Variants in EMX2 observed in about 807,000 individuals in gnomAD.
EMX2 encodes homeobox protein EMX2.
Under a neutral mutation model 23.0 loss-of-function variants are expected in EMX2, and 6 were observed. That is an observed-to-expected ratio of 0.26 (90% confidence interval 0.14 to 0.52). The LOEUF (loss-of-function observed/expected upper bound fraction) is 0.52, where lower values mean the gene tolerates loss of function less well. Ranked by LOEUF, EMX2 falls within the 20% of genes least tolerant of loss-of-function variation. The pLI is 0.97. For synonymous variants in EMX2, 175 were observed against 153.3 expected, an observed-to-expected ratio of 1.14 and a Z score of -1.04; for missense variants, 302 against 341.4, an observed-to-expected ratio of 0.88 and a Z score of 0.91.
intron 2 of EMX2, among the ~76,000 whole-genome samples, chr10:117,546,615 G>A (rs897791232): frequency 3.9e-5 from 6 of 152,248 alleles, no homozygotes; most frequent in Non-Finnish European, 5.9e-5. Flanking sequence ...ACCGAGGAGG[G>A]CCTGGCGGGT....
Position 117,542,756 on chromosome 10 carries a change from T to A in EMX2, c.-512T>A, listed in dbSNP as rs1369680205. The A allele has an allele frequency of 1.3e-5, 2 of 152,242 alleles. No individual in the cohort carries two copies. The highest frequency in any genetic ancestry group is 2.9e-5 in the Non-Finnish European group (2 of 68,346). The allele number at this position is 152,242 out of a possible 1,614,324, so 9.4% of individuals were successfully genotyped here. On this transcript the variant is annotated 5_prime_UTR_variant, in exon 1 of 3. Coordinates refer to ENST00000553456, the MANE Select transcript of EMX2 (RefSeq NM_004098.4). ...ACTAACAAATCGTTTGCACAACTTGTGAAGAAGCGAACACTTCCATGGATT... is the reference window on the plus strand; with the variant it reads ...ACTAACAAATCGTTTGCACAACTTGAGAAGAAGCGAACACTTCCATGGATT...
chr10:117,548,853 C>A lies in EMX2; in HGVS notation c.*621C>A. The A allele has an allele frequency of 2.5e-6, 1 of 397,072 alleles. No individual in the cohort carries two copies. The highest frequency in any genetic ancestry group is 4.4e-6 in the Non-Finnish European group (1 of 225,510). The allele number at this position is 397,072 out of a possible 1,614,324, so 24.6% of individuals were successfully genotyped here. On this transcript the variant is annotated 3_prime_UTR_variant, in exon 3 of 3. Transcript: ENST00000553456. ...TGAAATGCATGTAGCAGTTGTTGGG[C>A]GAATGGTGTTTAAAGACCGAAAATG...
Position 117,543,642 on chromosome 10 carries a change from C to T in EMX2, c.375C>T (p.His125=), listed in dbSNP as rs148439570. The change falls in exon 1 of 3, where the codon CAC becomes CAT. Residue 125 remains histidine, a synonymous_variant. Transcript: ENST00000553456. The part of the protein sequence containing the change: ...DPSTFYPWLI[H]RYRYLGHRFQ... ...CCACCTTCTACCCCTGGCTCATCCA[C>T]CGCTACCGATATCTGGGTCATCGCT... 37 of 1,613,562 alleles carry T rather than the reference C, an allele frequency of 2.3e-5. No homozygotes were observed. The highest frequency in any genetic ancestry group is 2.7e-5 in the African/African-American group (2 of 74,928).
chr10:117,548,959 T>C lies in EMX2; in HGVS notation c.*727T>C. 1 of 268,242 alleles carries C rather than the reference T, an allele frequency of 3.7e-6. No individual in the cohort carries two copies. Among genetic ancestry groups the C allele is most frequent in the Non-Finnish European group, 6.9e-6 (1 of 144,114 alleles). The allele number at this position is 268,242 out of a possible 1,614,324, so 16.6% of individuals were successfully genotyped here. On this transcript the variant is annotated 3_prime_UTR_variant, in exon 3 of 3. Coordinates refer to ENST00000553456, the MANE Select transcript of EMX2 (RefSeq NM_004098.4). ...TTTTTTTCCCAAGAAATGTGCAGTC[T>C]GTAAACACTTTTTGATACCTTCTGA...
intron 2 of EMX2, 59 bp downstream of exon 2, chr10:117,545,875 G>A: frequency 6.2e-7 from 1 of 1,609,656 alleles, no homozygotes; most frequent in Non-Finnish European, 8.5e-7. Context: ...CCCAAAGCTG[G>A]CTCCCAAGCA....
At position 117,543,225 on chromosome 10, in the gene EMX2, C is replaced by A. The variant is rs775528347; in HGVS notation, c.-43C>A. 1 of 1,365,394 alleles carries A rather than the reference C, an allele frequency of 7.3e-7. No individual in the cohort carries two copies. Among genetic ancestry groups the A allele is most frequent in the Non-Finnish European group, 9.6e-7 (1 of 1,046,126 alleles). The allele number at this position is 1,365,394 out of a possible 1,614,324, so 84.6% of individuals were successfully genotyped here. ...GGCGGCGGAGGCAGCGTGCGGCGGT[C>A]GCCAGGAGCTGGGAGCCCAGGGCGC... On this transcript the variant is annotated 5_prime_UTR_variant, in exon 1 of 3. Transcript: ENST00000553456.
Position 117,548,420 on chromosome 10 carries a change from C to A in EMX2, c.*188C>A. On this transcript the variant is annotated 3_prime_UTR_variant, in exon 3 of 3. Transcript: ENST00000553456. ...ACAGCGAGGGCACAGGGTCCCAAACCGAGGCCGCGCCAAGATGGCAGAGGA... is the reference window on the plus strand; with the variant it reads ...ACAGCGAGGGCACAGGGTCCCAAACAGAGGCCGCGCCAAGATGGCAGAGGA... 1.1e-6 allele frequency: 1 copy of A among 888,792 alleles called. No individual in the cohort carries two copies. The highest frequency in any genetic ancestry group is 1.7e-6 in the Non-Finnish European group (1 of 599,584). 55.1% of individuals were successfully genotyped at this position (888,792 alleles called of 1,614,324 possible).
At position 117,543,445 on chromosome 10, in the gene EMX2, G is replaced by C; in HGVS notation, c.178G>C (p.Gly60Arg). 6.2e-7 allele frequency: 1 copy of C among 1,606,688 alleles called. No individual in the cohort carries two copies. Among genetic ancestry groups the C allele is most frequent in the Non-Finnish European group, 8.5e-7 (1 of 1,177,304 alleles). ...CCACTCGGCCGCCGCCGCCGCCGCC[G>C]GTAGGGGCGTCTACTCCAACCCGGA... is the stretch of plus-strand genomic sequence containing the variant. ...GFHSAAAAAA[G>R]RGVYSNPDLV... Residue 60 changes from glycine to arginine, a missense_variant, in exon 1 of 3, where the codon GGT becomes CGT. By Grantham distance (125) the Gly-to-Arg change is moderately radical (BLOSUM62 -2). Transcript: ENST00000553456.
chr10:117,543,869 T>C (rs1014344006), intron 1 of EMX2, among the ~76,000 whole-genome samples, 196 bp downstream of exon 1: 6 of 152,074 alleles, frequency 3.9e-5, no homozygotes, highest in African/African-American at 1.4e-4. Context: ...CTACGACTGG[T>C]TTGGAGTGAT....
chr10:117,543,130 T>TCCCCCCCCCCCCCCCCCCCCCCCCCCCCC lies in EMX2; in HGVS notation c.-132_-131insCCCCCCCCCCCCCCCCCCCCCCCCCCCCC. ...CCTTTCCTTTCTTTCTTCCTTTCCT[T>TCCCCCCCCCCCCCCCCCCCCCCCCCCCCC]CCCCCCACCCCCACCCCCACCCCAA... is the stretch of plus-strand genomic sequence containing the variant. On this transcript the variant is annotated 5_prime_UTR_variant, in exon 1 of 3. Transcript: ENST00000553456. 2 of 124,942 alleles carry TCCCCCCCCCCCCCCCCCCCCCCCCCCCCC rather than the reference T, an allele frequency of 1.6e-5. 1 individual carries two copies. The highest frequency in any genetic ancestry group is 3.1e-5 in the Non-Finnish European group (2 of 64,090). The allele number at this position is 124,942 out of a possible 1,614,324, so 7.7% of individuals were successfully genotyped here.
At chr10:117,547,393 C>G (rs2133970772) in intron 2 of EMX2, among the ~76,000 whole-genome samples, 1 of 152,304 alleles carries the variant, frequency 6.6e-6, no homozygotes, top group African/African-American at 2.4e-5. Flanking sequence ...ATTTTCCTAG[C>G]TATAAAGGTA....
chr10:117,543,923 G>C (rs1490368619), intron 1 of EMX2, among the ~76,000 whole-genome samples: 1 of 152,228 alleles, frequency 6.6e-6, no homozygotes, highest in Admixed American at 6.5e-5. Context: ...TGCGAACGGA[G>C]AAGTTGTCCC....
At chr10:117,547,527 C>T (rs552152356) in intron 2 of EMX2, among the ~76,000 whole-genome samples, 2 of 152,290 alleles carry the variant, frequency 1.3e-5, no homozygotes, top group Non-Finnish European at 2.9e-5. Flanking sequence ...AAACCCTGAT[C>T]GCCTACCCAG....
intron 1 of EMX2, chr10:117,544,881 G>A (rs779545172): frequency 2.6e-5 from 4 of 152,208 alleles, no homozygotes; most frequent in Non-Finnish European, 4.4e-5. Flanking sequence ...TATCAGTCAT[G>A]CTTATGGTCC....
At position 117,548,550 on chromosome 10, in the gene EMX2, GAGA is replaced by G. The variant is rs1306362993; in HGVS notation, c.*319_*321del. 16 of 1,308 alleles carry G rather than the reference GAGA, an allele frequency of 0.012. No individual in the cohort carries two copies. The highest frequency in any genetic ancestry group is 0.079 in the Admixed American group (6 of 76). 0.1% of individuals were successfully genotyped at this position (1,308 alleles called of 1,614,324 possible). On this transcript the variant is annotated 3_prime_UTR_variant, in exon 3 of 3. Transcript: ENST00000553456. ...AGGGAGAGAGAGAAAGAGAGAGAAA[GAGA>G]GAGAGAGAGAGAGAGAGAGAAAGCT...
chr10:117,543,239 A>G lies in EMX2; in HGVS notation c.-29A>G, dbSNP rs1351672544. The stretch of plus-strand genomic sequence containing the variant: ...CGTGCGGCGGTCGCCAGGAGCTGGG[A>G]GCCCAGGGCGCCCGCTCCTCGGCGC... On this transcript the variant is annotated 5_prime_UTR_variant, in exon 1 of 3. Transcript: ENST00000553456. The G allele has an allele frequency of 7.4e-7, 1 of 1,356,688 alleles. No homozygotes were observed. The highest frequency in any genetic ancestry group is 1.6e-5 in the African/African-American group (1 of 62,918). 84.0% of individuals were successfully genotyped at this position (1,356,688 alleles called of 1,614,324 possible).
At position 117,543,199 on chromosome 10, in the gene EMX2, G is replaced by A. The variant is rs1333603790; in HGVS notation, c.-69G>A. 5 of 1,136,892 alleles carry A rather than the reference G, an allele frequency of 4.4e-6. No individual in the cohort carries two copies. Among genetic ancestry groups the A allele is most frequent in the Admixed American group, 4.8e-5 (1 of 20,700 alleles). 70.4% of individuals were successfully genotyped at this position (1,136,892 alleles called of 1,614,324 possible). ...CTCGTCCGTCCTCGCCGCGGGCAGC[G>A]GGCGGCGGAGGCAGCGTGCGGCGGT... On this transcript the variant is annotated 5_prime_UTR_variant, in exon 1 of 3. Transcript: ENST00000553456.
chr10:117,545,504 C>A, intron 1 of EMX2, 128 bp from the exon 2 acceptor site: 1 of 1,171,916 alleles, frequency 8.5e-7, no homozygotes, highest in Non-Finnish European at 1.2e-6. Flanking sequence ...CCACCGGCCC[C>A]CGCAGGTCGA....
chr10:117,548,206 G>A lies in EMX2; in HGVS notation c.733G>A (p.Glu245Lys). The change falls in exon 3 of 3, where the codon GAA becomes AAA. Residue 245 changes from glutamate (E) to lysine (K), a missense_variant. Around this residue, in one of 4 missense-constraint regions of EMX2, gnomAD observed 42 missense variants for 49.3 expected, o/e 0.85. Coordinates refer to ENST00000553456, the MANE Select transcript of EMX2 (RefSeq NM_004098.4). ...CGCCACCAAGCAGGCGAGTCCGGAG[G>A]AAATAGACGTGACCTCAGATGATTA... Reference protein sequence around the residue: ...RIATKQASPEEIDVTSDD With the variant: ...RIATKQASPEKIDVTSDD The A allele has an allele frequency of 6.2e-7, 1 of 1,613,960 alleles. No individual in the cohort carries two copies. The highest frequency in any genetic ancestry group is 1.1e-5 in the South Asian group (1 of 91,042).
Sources: gnomAD v4.1 joint callset for allele counts (sites outside exome capture counted in the v4.1 genomes callset) on GRCh38, gnomAD v4.1.1 for gene constraint, gnomAD v4.1.1 regional missense constraint, MANE v1.5 for transcripts, NCBI Gene and HGNC (gene_info 2026-07-23, HGNC 2026-07-21) for gene names.